Variants in DSC2 observed in about 807,000 individuals in gnomAD.
The protein encoded by DSC2 is desmocollin-2.
In DSC2, 51 loss-of-function variants were observed where a neutral mutation model predicts 87.6. That is an observed-to-expected ratio of 0.58 (90% confidence interval 0.46 to 0.74). The LOEUF is 0.74. Among genes scored for constraint, DSC2 ranks in the 30% least tolerant of loss-of-function variants. The pLI is 0.00. For missense variants in DSC2, 1,066 were observed against 1,089.5 expected (o/e 0.98, Z 0.30); for synonymous variants, 383 against 393.2 (o/e 0.97, Z 0.31).
Position 31,068,159 on chromosome 18 carries a change from G to C in DSC2, c.2562C>G (p.Val854=), listed in dbSNP as rs1207984278. Residue 854 remains valine, a synonymous_variant, in exon 16 of 16, where the codon GTC becomes GTG. Coordinates refer to ENST00000280904, the MANE Select transcript of DSC2 (RefSeq NM_024422.6). ...DENHKHAQDY[V]LTYNYEGRGS... ...CTCTTCCTTCATAGTTATATGTCAG[G>C]ACATAGTCTTGGGCATGCTTGTGAT... The C allele has an allele frequency of 3.7e-6, 6 of 1,613,900 alleles. No homozygotes were observed. The highest frequency in any genetic ancestry group is 5.1e-6 in the Non-Finnish European group (6 of 1,179,992).
intron 4 of DSC2, among the ~76,000 whole-genome samples, chr18:31,090,509 C>T (rs1447427974): frequency 6.6e-6 from 1 of 151,886 alleles, no homozygotes; most frequent in Non-Finnish European, 1.5e-5. Flanking sequence ...ATCATTTCAG[C>T]CTAGGAGTTC....
At chr18:31,095,014 G>A (rs1044944708) in intron 1 of DSC2, among the ~76,000 whole-genome samples, 3 of 152,292 alleles carry the variant, frequency 2.0e-5, no homozygotes, top group South Asian at 2.1e-4. Flanking sequence ...CTTGCCTCAC[G>A]AAGATTACAT....
chr18:31,074,568 A>C (rs1165303736), intron 12 of DSC2, 115 bp downstream of exon 12: 10 of 993,178 alleles, frequency 1.0e-5, no homozygotes, highest in Non-Finnish European at 6.1e-6. Flanking sequence ...AAAACTGAGA[A>C]ACTTTCATTG....
At chr18:31,085,396 A>G (rs1041717760) in intron 7 of DSC2, among the ~76,000 whole-genome samples, 3 of 151,914 alleles carry the variant, frequency 2.0e-5, no homozygotes, top group African/African-American at 4.8e-5. Context: ...AAAAAGAAGA[A>G]AAAGTGTAAC....
chr18:31,091,593 C>T (rs1299035949), intron 3 of DSC2: 2 of 458,498 alleles, frequency 4.4e-6, no homozygotes, highest in South Asian at 1.5e-5. Context: ...GAGAGAAACA[C>T]GGTGACAACT....
intron 1 of DSC2, among the ~76,000 whole-genome samples, chr18:31,098,776 C>T (rs1987844055): frequency 1.3e-5 from 2 of 152,126 alleles, no homozygotes; most frequent in South Asian, 4.1e-4. Flanking sequence ...TTTTATTTGT[C>T]AATCCCATTA....
rs57830743 is a variant in DSC2, at chr18:31,071,934, T to C, written c.1889-93A>G. The stretch of plus-strand genomic sequence containing the variant: ...TCATTATCAGATAGTTATATTTTCC[T>C]AGAAACAGATATTCCTGATGGGATG... On this transcript the variant is annotated intron_variant, in intron 12 of 15. Coordinates refer to ENST00000280904, the MANE Select transcript of DSC2 (RefSeq NM_024422.6). 6.6e-4 allele frequency: 745 copies of C among 1,132,922 alleles called. 2 individuals are homozygous for C. The African/African-American group carries it at 0.01, about 15-fold the overall frequency. 70.2% of individuals were successfully genotyped at this position (1,132,922 alleles called of 1,614,324 possible).
At chr18:31,080,412 C>T (rs554487250) in intron 9 of DSC2, 60 bp from the exon 10 acceptor site, 93 of 1,582,552 alleles carry the variant, frequency 5.9e-5, no homozygotes, top group East Asian at 3.8e-4. Flanking sequence ...GCAATGCTAA[C>T]GAGTATATAT....
chr18:31,068,710 G>A (rs998375912), intron 15 of DSC2, among the ~76,000 whole-genome samples, 184 bp downstream of exon 15: 18 of 151,928 alleles, frequency 1.2e-4, no homozygotes, highest in African/African-American at 4.4e-4. Flanking sequence ...AAAAATAGGA[G>A]GGGAAGTAAA....
At chr18:31,072,125 A>T (rs1309582036) in intron 12 of DSC2, among the ~76,000 whole-genome samples, 1 of 152,202 alleles carries the variant, frequency 6.6e-6, no homozygotes, top group Non-Finnish European at 1.5e-5. Flanking sequence ...CCTTCCTATC[A>T]CAACTAATAG....
chr18:31,101,283 A>G lies in DSC2; in HGVS notation c.69+620T>C, dbSNP rs1318527429. ...GTCAAGATCCCCTCCCCCACCCGCC[A>G]CTTCCCCCCGCCCTTCTCTCAGAGT... On this transcript the variant is annotated intron_variant, in intron 1 of 15. Transcript: ENST00000280904. The G allele has an allele frequency of 9.0e-6, 4 of 446,602 alleles. No homozygotes were observed. The South Asian group carries it at 4.1e-4, about 46-fold the overall frequency. The allele number at this position is 446,602 out of a possible 1,614,324, so 27.7% of individuals were successfully genotyped here.
At position 31,071,659 on chromosome 18, in the gene DSC2, G is replaced by A; in HGVS notation, c.2071C>T (p.Gln691Ter). 6.3e-7 allele frequency: 1 copy of A among 1,594,074 alleles called. No individual in the cohort carries two copies. Among genetic ancestry groups the A allele is most frequent in the Non-Finnish European group, 8.5e-7 (1 of 1,171,080 alleles). ...GCAAGGATGGCCCACTTTCCAAGTT[G>A]TACTCCTCCACCGCCAATCCTTGGA... ...VDPRIGGGGV[Q>*]LGKWAILAIL... The change falls in exon 13 of 16, where the codon CAA becomes TAA. Residue 691 changes from glutamine (Q) to a stop codon, truncating the protein, a stop_gained. Transcript: ENST00000280904. LOFTEE classifies it high-confidence loss of function.
chr18:31,094,015 A>T (rs1987690267), intron 1 of DSC2, among the ~76,000 whole-genome samples: 1 of 152,104 alleles, frequency 6.6e-6, no homozygotes, highest in Admixed American at 6.5e-5. Flanking sequence ...TGTAAACTCA[A>T]AGAGTTATGT....
rs980927991 is a variant in DSC2, at chr18:31,061,848, A to G, written c.*6167T>C. On this transcript the variant is annotated 3_prime_UTR_variant, in exon 16 of 16. Transcript: ENST00000280904. ...AGGTGGGGAGAGAAGAGCTTCTTGG[A>G]AGAAAGATCAGATCCTACTTCTCAA... 6.6e-6 allele frequency: 1 copy of G among 152,210 alleles called. No individual in the cohort carries two copies. Among genetic ancestry groups the G allele is most frequent in the Non-Finnish European group, 1.5e-5 (1 of 68,034 alleles). The allele number at this position is 152,210 out of a possible 1,614,324, so 9.4% of individuals were successfully genotyped here. A position where few individuals can be genotyped will look rare whatever the true frequency, so the allele number is the denominator to read the frequency against.
At chr18:31,079,321 T>C (rs1987126583) in intron 11 of DSC2, among the ~76,000 whole-genome samples, 1 of 152,204 alleles carries the variant, frequency 6.6e-6, no homozygotes, top group South Asian at 2.1e-4. Context: ...TGGCGCGATC[T>C]TGGCTAACTG....
At position 31,082,979 on chromosome 18, in the gene DSC2, T is replaced by C. The variant is rs746745677; in HGVS notation, c.1024A>G (p.Ile342Val). The change falls in exon 8 of 16, where the codon ATC becomes GTC. Residue 342 changes from isoleucine to valine, a missense_variant. Transcript: ENST00000280904. ...YFGLQTTSTC[I>V]INIDDVNDHL... ...TCATTTACATCATCAATGTTAATGA[T>C]ACAAGTTGAAGTTGTCTGTAGACCA... The C allele has an allele frequency of 4.3e-5, 70 of 1,613,510 alleles. No individual in the cohort carries two copies. Among genetic ancestry groups the C allele is most frequent in the Non-Finnish European group, 5.5e-5 (65 of 1,179,902 alleles).
rs776278152 is a variant in DSC2 at position 31,071,804 on chromosome 18, T to C, written c.1926A>G (p.Pro642=). ...TTATAGGTACTACATATGAGCCAAA[T>C]GGAGGATCATTCTGATAGGAAAGAC... The part of the protein sequence containing the change: ...AARLSYQNDP[P]FGSYVVPITV... Residue 642 remains proline (P), a synonymous_variant, in exon 13 of 16, where the codon CCA becomes CCG. Coordinates refer to ENST00000280904, the MANE Select transcript of DSC2 (RefSeq NM_024422.6). 4 of 1,613,824 alleles carry C rather than the reference T, an allele frequency of 2.5e-6. No homozygotes were observed. The highest frequency in any genetic ancestry group is 2.5e-6 in the Non-Finnish European group (3 of 1,179,924).
Position 31,080,368 on chromosome 18 carries a change from T to C in DSC2, c.1264-16A>G, listed in dbSNP as rs1386579486. The C allele has an allele frequency of 6.2e-7, 1 of 1,612,950 alleles. No homozygotes were observed. On this transcript the variant is annotated splice_polypyrimidine_tract_variant and intron_variant, in intron 9 of 15. Transcript: ENST00000280904. ...AATTCAAAGGCTACGAAAGCAAATG[T>C]ATTGAAAAATCAGATGAACTCATTT... is the stretch of plus-strand genomic sequence containing the variant.
Position 31,102,305 on chromosome 18 carries a change from G to A in DSC2, c.-334C>T. On this transcript the variant is annotated 5_prime_UTR_variant, in exon 1 of 16. Coordinates refer to ENST00000280904, the MANE Select transcript of DSC2 (RefSeq NM_024422.6). ...CTCTCGCCGCCACCCTTTTACCTGC[G>A]CAAGGTGTTTCTCACCAGCGGACGC... The A allele has an allele frequency of 3.9e-6, 1 of 258,204 alleles. No homozygotes were observed. The highest frequency in any genetic ancestry group is 7.3e-6 in the Non-Finnish European group (1 of 137,732). 16.0% of individuals were successfully genotyped at this position (258,204 alleles called of 1,614,324 possible).
Sources: gnomAD v4.1 joint callset for allele counts (sites outside exome capture counted in the v4.1 genomes callset) on GRCh38, gnomAD v4.1.1 for gene constraint, MANE v1.5 for transcripts, NCBI Gene and HGNC (gene_info 2026-07-23, HGNC 2026-07-21) for gene names.